SLC30A8: variants seen among roughly 807,000 people sequenced by gnomAD.
The protein encoded by SLC30A8 is solute carrier family 30 member 8, also known as proton-coupled zinc antiporter SLC30A8.
Under a neutral mutation model 36.9 loss-of-function variants are expected in SLC30A8, and 27 were observed. The ratio of observed to expected loss-of-function variants is 0.73; its 90% CI spans 0.54 to 1.01. The LOEUF is 1.01. SLC30A8 is among the 50% of genes least tolerant of loss of function. The pLI is 0.00. For missense variants in SLC30A8, 439 were observed against 452.0 expected (o/e 0.97, Z 0.26); for synonymous variants, 164 against 172.4 (o/e 0.95, Z 0.38).
chr8:117,061,155 C>G (rs1051178783), intron 2 of SLC30A8, among the ~76,000 whole-genome samples: 1 of 152,174 alleles, frequency 6.6e-6, no homozygotes, highest in Non-Finnish European at 1.5e-5. Flanking sequence ...TCATGTTTTC[C>G]ATAATTGAAG....
intron 2 of SLC30A8, among the ~76,000 whole-genome samples, chr8:117,076,192 A>G (rs2130805461): frequency 1.3e-5 from 2 of 152,336 alleles, no homozygotes; most frequent in South Asian, 4.1e-4. Context: ...GTTTTATTAT[A>G]TCATGCCAGA....
chr8:117,162,997 C>T (rs1822872151), intron 5 of SLC30A8, among the ~76,000 whole-genome samples: 1 of 152,226 alleles, frequency 6.6e-6, no homozygotes, highest in Non-Finnish European at 1.5e-5. Flanking sequence ...TGTATGCTGG[C>T]CACATGCAAT....
intron 2 of SLC30A8, among the ~76,000 whole-genome samples, chr8:117,041,093 AAC>A (rs1817374659): frequency 6.6e-6 from 1 of 152,194 alleles, no homozygotes; most frequent in Non-Finnish European, 1.5e-5. Flanking sequence ...TGCCAAACCA[AAC>A]AGTTTGCCAT....
chr8:117,016,941 T>A (rs1333473997), intron 1 of SLC30A8, among the ~76,000 whole-genome samples: 2 of 152,072 alleles, frequency 1.3e-5, no homozygotes, highest in African/African-American at 4.8e-5. Flanking sequence ...CACAACAAGA[T>A]AAAGCTAATA....
At chr8:116,976,858 C>T (rs1204565675) in intron 1 of SLC30A8, among the ~76,000 whole-genome samples, 4 of 141,212 alleles carry the variant, frequency 2.8e-5, no homozygotes, top group African/African-American at 8.6e-5. Flanking sequence ...CTCTCTGTTG[C>T]CAGGCTGGAG....
intron 2 of SLC30A8, among the ~76,000 whole-genome samples, chr8:117,049,684 A>G (rs533451571): frequency 6.6e-6 from 1 of 152,308 alleles, no homozygotes; most frequent in South Asian, 2.1e-4. Context: ...CACCAAATAA[A>G]TCCTTTGAAT....
In SLC30A8 at chr8:116,958,748, A is replaced by G. The variant is rs554746700; in HGVS notation, c.-266+7629A>G. 6.9e-4 allele frequency among the ~76,000 whole-genome samples: 96 copies of G among 138,490 alleles called. 1 individual carries two copies. Among genetic ancestry groups the G allele is most frequent in the Non-Finnish European group, 1.1e-3 (72 of 64,388 alleles). The allele number at this position is 138,490 out of a possible 152,430, so 90.9% of individuals were successfully genotyped here. A position where few individuals can be genotyped will look rare whatever the true frequency, so the allele number is the denominator to read the frequency against. The stretch of plus-strand genomic sequence containing the variant: ...AAACAATTTTATCATCACTTTAAGT[A>G]TTTTTTTCTTTCTATCCCTTTTCCT... On this transcript the variant is annotated intron_variant, in intron 1 of 10. Coordinates refer to the SLC30A8 transcript ENST00000427715.
intron 3 of SLC30A8, 61 bp from the exon 4 acceptor site, chr8:117,157,630 G>T (rs1240551915): frequency 1.9e-6 from 3 of 1,586,762 alleles, no homozygotes; most frequent in Non-Finnish European, 1.7e-6. Flanking sequence ...ACTCTTGGGG[G>T]TGTAGGTGTA....
intron 1 of SLC30A8, among the ~76,000 whole-genome samples, chr8:117,009,792 A>G (rs1302377202): frequency 6.6e-6 from 1 of 152,228 alleles, no homozygotes; most frequent in East Asian, 1.9e-4. Context: ...TTTACCTGGG[A>G]AGATTGTTGA....
At chr8:116,950,392 GT>G, upstream of SLC30A8, 1 of 152,376 alleles carries the variant, frequency 6.6e-6, no homozygotes, top group East Asian at 1.9e-4. Context: ...TGCGGTAAAT[GT>G]TCTAATTATT....
At chr8:116,960,319 T>G (rs1301486698) in intron 1 of SLC30A8, among the ~76,000 whole-genome samples, 4 of 152,224 alleles carry the variant, frequency 2.6e-5, no homozygotes, top group Non-Finnish European at 5.9e-5. Context: ...CCTTCACTTT[T>G]TTTGAAAGGA....
chr8:117,022,940 A>G (rs1453179281), intron 1 of SLC30A8, among the ~76,000 whole-genome samples: 1 of 152,238 alleles, frequency 6.6e-6, no homozygotes. Flanking sequence ...TGAATAGGCA[A>G]CCTATAGAAT....
chr8:117,072,031 A>G (rs1333140207), intron 2 of SLC30A8, among the ~76,000 whole-genome samples: 3 of 152,130 alleles, frequency 2.0e-5, no homozygotes, highest in South Asian at 2.1e-4. Flanking sequence ...CTTCCTTCCA[A>G]TTGGTTTTGG....
At chr8:117,078,705 T>C (rs941557860) in intron 2 of SLC30A8, among the ~76,000 whole-genome samples, 8 of 152,196 alleles carry the variant, frequency 5.3e-5, no homozygotes, top group African/African-American at 1.9e-4. Context: ...TTCTGTCTTT[T>C]TTCTTTTATT....
chr8:117,102,173 C>T (rs1819753187), intron 2 of SLC30A8, among the ~76,000 whole-genome samples: 1 of 152,130 alleles, frequency 6.6e-6, no homozygotes, highest in Admixed American at 6.6e-5. Context: ...ATGTAAACCC[C>T]TTCAATTTAC....
intron 1 of SLC30A8, among the ~76,000 whole-genome samples, chr8:117,024,417 C>T (rs571765203): frequency 1.3e-5 from 2 of 152,326 alleles, no homozygotes; most frequent in Admixed American, 6.5e-5. Context: ...TCCACAAAGC[C>T]TTCCATGGTC....
chr8:117,124,391 A>G (rs1329899611), intron 2 of SLC30A8, among the ~76,000 whole-genome samples: 1 of 151,962 alleles, frequency 6.6e-6, no homozygotes, highest in Non-Finnish European at 1.5e-5. Context: ...AGCCCAATGC[A>G]GGTCAGTAGA....
chr8:117,009,048 A>C (rs970771291), intron 1 of SLC30A8, among the ~76,000 whole-genome samples: 17 of 152,218 alleles, frequency 1.1e-4, no homozygotes, highest in Admixed American at 4.6e-4. Context: ...CTGAACAAAT[A>C]ACTCTTCTAC....
chr8:117,128,872 C>T (rs62510521), intron 2 of SLC30A8, among the ~76,000 whole-genome samples: 8,883 of 151,732 alleles, frequency 0.059, 296 homozygotes, highest in East Asian at 0.12. Context: ...GAAATTGGGG[C>T]GGAAAGAAGC....
Sources: gnomAD v4.1 joint callset for allele counts (sites outside exome capture counted in the v4.1 genomes callset) on GRCh38, gnomAD v4.1.1 for gene constraint, MANE v1.5 for transcripts, NCBI Gene and HGNC (gene_info 2026-07-23, HGNC 2026-07-21) for gene names.